Variants in INPP5F observed in about 807,000 individuals in gnomAD.
INPP5F encodes phosphatidylinositide 4-phosphatase SAC2.
INPP5F carries 97 observed loss-of-function variants against 137.2 expected under a neutral mutation model. The ratio of observed to expected loss-of-function variants is 0.71; its 90% CI spans 0.60 to 0.84. INPP5F has a LOEUF of 0.84. Ranked by LOEUF, INPP5F falls within the 40% of genes least tolerant of loss-of-function variation. The pLI is 0.00. For synonymous variants in INPP5F, 504 were observed against 476.9 expected (o/e 1.06, Z -0.74); for missense variants, 1,271 against 1,371.9 (o/e 0.93, Z 1.16).
At chr10:119,794,481 C>G (rs1254489119) in intron 6 of INPP5F, among the ~76,000 whole-genome samples, 1 of 152,078 alleles carries the variant, frequency 6.6e-6, no homozygotes, top group Non-Finnish European at 1.5e-5. Context: ...TCCCCCCTTT[C>G]TATTCCACAA....
intron 15 of INPP5F, chr10:119,818,701 C>T (rs1314655251): frequency 6.6e-6 from 1 of 152,344 alleles, no homozygotes; most frequent in African/African-American, 2.4e-5. Context: ...TTGGCACTGC[C>T]GCGTCGCAGT....
intron 15 of INPP5F, among the ~76,000 whole-genome samples, chr10:119,817,472 G>A (rs1165432876): frequency 1.4e-4 from 21 of 152,166 alleles, no homozygotes; most frequent in Admixed American, 1.4e-3. Context: ...CAGTTTGGAG[G>A]GTTCCAATAT....
At chr10:119,759,230 A>C (rs1162572531) in intron 2 of INPP5F, among the ~76,000 whole-genome samples, 1 of 152,164 alleles carries the variant, frequency 6.6e-6, no homozygotes, top group African/African-American at 2.4e-5. Flanking sequence ...CGTGTTGCTC[A>C]GGCTGGTCTT....
Position 119,805,409 on chromosome 10 carries a change from C to T in INPP5F, c.1267C>T (p.Gln423Ter). Residue 423 changes from glutamine (Q) to a stop codon, truncating the protein, a stop_gained, in exon 11 of 20, where the codon CAG (glutamine) becomes TAG (stop). Transcript: ENST00000650623. LOFTEE classifies it high-confidence loss of function. ...CCGAGGAATGAAGTTTGAGAATGTTCAGACACTAACAGATGCCATTTATGA... is the reference window on the plus strand; with the variant it reads ...CCGAGGAATGAAGTTTGAGAATGTTTAGACACTAACAGATGCCATTTATGA... ...HCRGMKFENV[Q>*]TLTDAIYDII... The T allele has an allele frequency of 1.2e-6, 2 of 1,612,986 alleles. No individual in the cohort carries two copies. The highest frequency in any genetic ancestry group is 1.7e-6 in the Non-Finnish European group (2 of 1,179,172).
At chr10:119,781,406 A>G (rs1441478387) in intron 2 of INPP5F, among the ~76,000 whole-genome samples, 3 of 152,260 alleles carry the variant, frequency 2.0e-5, no homozygotes, top group Admixed American at 2.0e-4. Flanking sequence ...ATGGGTGAGC[A>G]TGGTGTCACA....
intron 8 of INPP5F, 140 bp from the exon 9 acceptor site, chr10:119,798,403 T>C (rs1850462058): frequency 5.1e-6 from 3 of 589,790 alleles, no homozygotes; most frequent in Non-Finnish European, 5.8e-6. Flanking sequence ...TAGCATTTCA[T>C]TTTTAAATGA....
At chr10:119,744,773 T>C (rs1394895637) in intron 1 of INPP5F, among the ~76,000 whole-genome samples, 1 of 152,164 alleles carries the variant, frequency 6.6e-6, no homozygotes, top group Non-Finnish European at 1.5e-5. Flanking sequence ...CTCACACCCC[T>C]GACCTCAAGT....
At chr10:119,754,818 G>A (rs765909955) in intron 2 of INPP5F, among the ~76,000 whole-genome samples, 7 of 151,122 alleles carry the variant, frequency 4.6e-5, no homozygotes, top group South Asian at 2.1e-4. Flanking sequence ...CCCTGCCCCC[G>A]ATTAAAGCTC....
chr10:119,761,425 G>C (rs966585340), intron 2 of INPP5F, among the ~76,000 whole-genome samples: 2 of 152,182 alleles, frequency 1.3e-5, no homozygotes, highest in Non-Finnish European at 2.9e-5. Flanking sequence ...TGTACTTTTA[G>C]CTATTAGGTA....
At chr10:119,742,853 G>A (rs563280529) in intron 1 of INPP5F, among the ~76,000 whole-genome samples, 5 of 152,278 alleles carry the variant, frequency 3.3e-5, no homozygotes, top group South Asian at 2.1e-4. Flanking sequence ...TTAGCCCGGC[G>A]TGGTGGCACA....
In INPP5F at chr10:119,826,953, T is replaced by C. The variant is rs1174547470; in HGVS notation, c.2572T>C (p.Tyr858His). 1.9e-6 allele frequency: 3 copies of C among 1,614,112 alleles called. No individual in the cohort carries two copies. Among genetic ancestry groups the C allele is most frequent in the East Asian group, 2.2e-5 (1 of 44,886 alleles). The change falls in exon 20 of 20, where the codon TAC becomes CAC. Residue 858 changes from tyrosine (Y) to histidine (H), a missense_variant. Around this residue, in one of 6 missense-constraint regions of INPP5F, gnomAD observed 490 missense variants for 443.7 expected, o/e 1.10. Coordinates refer to ENST00000650623, the MANE Select transcript of INPP5F (RefSeq NM_014937.4). ...DGDMSSDNDS[Y>H]HSDEFLTNSK... Reference sequence around the variant, plus strand: ...GGACATGTCTTCAGATAATGACTCATACCACTCTGATGAATTCCTTACAAA... The same window carrying C: ...GGACATGTCTTCAGATAATGACTCACACCACTCTGATGAATTCCTTACAAA...
At chr10:119,765,598 T>C (rs1849134287) in intron 2 of INPP5F, among the ~76,000 whole-genome samples, 1 of 149,144 alleles carries the variant, frequency 6.7e-6, no homozygotes, top group Non-Finnish European at 1.5e-5. Context: ...CCCAGTCTGG[T>C]TTCTAACTCC....
intron 2 of INPP5F, 99 bp from the exon 3 acceptor site, chr10:119,781,536 C>CTT (rs5788367): frequency 6.1e-4 from 583 of 951,466 alleles, no homozygotes; most frequent in African/African-American, 4.0e-3. Context: ...TGGATGCACA[C>CTT]TTTTTTTTTT....
At chr10:119,819,572 C>T in intron 15 of INPP5F, 2 of 1,562,136 alleles carry the variant, frequency 1.3e-6, no homozygotes, top group South Asian at 2.3e-5. Flanking sequence ...TAACATTTTA[C>T]AGTGTTATTT....
chr10:119,774,837 T>C (rs1293200847), intron 2 of INPP5F, among the ~76,000 whole-genome samples: 3 of 152,158 alleles, frequency 2.0e-5, no homozygotes, highest in African/African-American at 7.2e-5. Flanking sequence ...TTCCATTTCC[T>C]TACAATATGT....
chr10:119,751,084 C>T lies in INPP5F; in HGVS notation c.106C>T (p.Leu36=), dbSNP rs772965025. The change falls in exon 2 of 20, where the codon CTA becomes TTA. Residue 36 remains leucine, a synonymous_variant. Transcript: ENST00000650623. ...GGLQLRPATD[L]LLAWNPICLG... ...TTCCTATTTTATTTTAGCTACTGAT[C>T]TACTTCTTGCCTGGAATCCCATTTG... The T allele has an allele frequency of 8.7e-6, 14 of 1,603,280 alleles. No individual in the cohort carries two copies. The highest frequency in any genetic ancestry group is 1.7e-5 in the Admixed American group (1 of 59,988).
chr10:119,809,399 T>A (rs1850936440), intron 13 of INPP5F, among the ~76,000 whole-genome samples: 1 of 152,202 alleles, frequency 6.6e-6, no homozygotes, highest in Non-Finnish European at 1.5e-5. Context: ...GGCAGCATGT[T>A]CTTCCTAAAT....
intron 2 of INPP5F, among the ~76,000 whole-genome samples, chr10:119,751,739 C>G (rs1011483819): frequency 6.6e-6 from 1 of 152,184 alleles, no homozygotes; most frequent in Non-Finnish European, 1.5e-5. Context: ...TCCCAAAAGG[C>G]TAACTGAAAG....
At chr10:119,823,249 C>A (rs1183503197) in intron 18 of INPP5F, 50 bp downstream of exon 18, 1 of 1,569,576 alleles carries the variant, frequency 6.4e-7, no homozygotes, top group Non-Finnish European at 8.7e-7. Flanking sequence ...TCTATTTATT[C>A]TTAAAAGCCC....
Sources: allele counts gnomAD v4.1 joint callset (sites outside exome capture counted in the v4.1 genomes callset), GRCh38; gene constraint gnomAD v4.1.1; regional missense constraint gnomAD v4.1.1; transcripts MANE v1.5; gene names NCBI Gene and HGNC (gene_info 2026-07-23, HGNC 2026-07-21).